Variants in CDH23 observed in about 807,000 individuals in gnomAD.
CDH23 encodes the protein cadherin related 23.
CDH23 carries 189 observed loss-of-function variants against 317.1 expected under a neutral mutation model. The ratio of observed to expected loss-of-function variants is 0.60; its 90% CI spans 0.53 to 0.67. The LOEUF is 0.67. Ranked by LOEUF, CDH23 falls within the 30% of genes least tolerant of loss-of-function variation. The pLI, the probability that CDH23 is intolerant of heterozygous loss-of-function variation, is 0.00. For synonymous variants in CDH23, 1,839 were observed against 1,876.8 expected, an observed-to-expected ratio of 0.98 and a Z score of 0.52; for missense variants, 4,401 against 4,592.4, an observed-to-expected ratio of 0.96 and a Z score of 1.20.
intron 45 of CDH23, 33 bp downstream of exon 45, chr10:71,789,075 G>T: frequency 1.9e-6 from 2 of 1,062,830 alleles, no homozygotes; most frequent in Non-Finnish European, 2.9e-6. Flanking sequence ...AGCTCCTGCT[G>T]TTGCCAGGCA....
At position 71,773,220 on chromosome 10, in the gene CDH23, C is replaced by T. The variant is rs1840727223; in HGVS notation, c.4846-4460C>T. ...CACCCTGCCTAGGGGTCCCAGCAGC[C>T]TCTGGGCGGTGGGTGGAGTGGGGTG... On this transcript the variant is annotated intron_variant, in intron 38 of 69. Coordinates refer to ENST00000224721, the MANE Select transcript of CDH23 (RefSeq NM_022124.6). The T allele has an allele frequency of 9.7e-6, 10 of 1,029,938 alleles. No homozygotes were observed. The South Asian group carries it at 1.4e-4, about 15-fold the overall frequency. 63.8% of individuals were successfully genotyped at this position (1,029,938 alleles called of 1,614,324 possible). A position where few individuals can be genotyped will look rare whatever the true frequency, so the allele number is the denominator to read the frequency against.
intron 1 of CDH23, among the ~76,000 whole-genome samples, chr10:71,425,123 G>A (rs1016779912): frequency 6.6e-6 from 1 of 151,652 alleles, no homozygotes; most frequent in African/African-American, 2.4e-5. Flanking sequence ...AGTGCAGAAG[G>A]GGTGTCTGTG....
intron 6 of CDH23, among the ~76,000 whole-genome samples, chr10:71,552,704 C>A (rs1415351757): frequency 6.6e-6 from 1 of 152,112 alleles, no homozygotes; most frequent in Non-Finnish European, 1.5e-5. Context: ...TGTGGTTCTG[C>A]CCCCTCATTG....
At position 71,622,193 on chromosome 10, in the gene CDH23, C is replaced by T. The variant is rs376736270; in HGVS notation, c.1134+4800C>T. ...CCACGGTGAATCGGCAACTCACTCACCCACCTGGAGTCCTATAATGTATAT... is the reference window on the plus strand; with the variant it reads ...CCACGGTGAATCGGCAACTCACTCATCCACCTGGAGTCCTATAATGTATAT... On this transcript the variant is annotated intron_variant, in intron 11 of 69. Coordinates refer to ENST00000224721, the MANE Select transcript of CDH23 (RefSeq NM_022124.6). 2.9e-3 allele frequency among the ~76,000 whole-genome samples: 445 copies of T among 152,250 alleles called. 1 individual carries two copies. In the Middle Eastern group the frequency reaches 0.041, roughly 14 times the overall value.
chr10:71,472,811 A>T (rs1381556957), intron 3 of CDH23, among the ~76,000 whole-genome samples: 1 of 152,224 alleles, frequency 6.6e-6, no homozygotes, highest in Admixed American at 6.5e-5. Flanking sequence ...GGTAGACTCC[A>T]GTGTGGTCCC....
intron 32 of CDH23, among the ~76,000 whole-genome samples, chr10:71,733,695 C>G (rs777634201): frequency 6.6e-6 from 1 of 152,232 alleles, no homozygotes; most frequent in Non-Finnish European, 1.5e-5. Context: ...TGCTGGGCTT[C>G]ATTGCAATAG....
intron 3 of CDH23, among the ~76,000 whole-genome samples, chr10:71,472,011 G>A (rs1589113629): frequency 6.6e-6 from 1 of 152,224 alleles, no homozygotes; most frequent in South Asian, 2.1e-4. Flanking sequence ...TGCCTGGAAT[G>A]GATCTGGTGC....
At chr10:71,800,891 G>A (rs990482460) in intron 53 of CDH23, 136 bp downstream of exon 53, 2 of 1,193,112 alleles carry the variant, frequency 1.7e-6, no homozygotes, top group Non-Finnish European at 2.3e-6. Context: ...TGACAGAAAG[G>A]AGAAGGCAAG....
Position 71,793,357 on chromosome 10 carries a change from G to T in CDH23, c.6429G>T (p.Thr2143=), listed in dbSNP as rs142788731. Residue 2143 remains threonine, a synonymous_variant, in exon 48 of 70, where the codon ACG becomes ACT. Transcript: ENST00000224721. ...DREEQESYRL[T]VVATDRGTVP... ...AGGAGCAGGAGTCCTACAGGCTAAC[G>T]GTGGTGGCCACCGACCGGGGCACCG... is the stretch of plus-strand genomic sequence containing the variant. The T allele has an allele frequency of 6.2e-7, 1 of 1,613,964 alleles. No individual in the cohort carries two copies. The highest frequency in any genetic ancestry group is 8.5e-7 in the Non-Finnish European group (1 of 1,179,900).
intron 48 of CDH23, 162 bp from the exon 49 acceptor site, chr10:71,796,942 C>T: frequency 5.1e-6 from 3 of 585,802 alleles, no homozygotes; most frequent in Non-Finnish European, 9.4e-6. Context: ...GTGACCCAAG[C>T]TTATGAGGAG....
At chr10:71,485,815 C>T (rs987832457) in intron 3 of CDH23, among the ~76,000 whole-genome samples, 7 of 152,194 alleles carry the variant, frequency 4.6e-5, no homozygotes, top group African/African-American at 1.7e-4. Flanking sequence ...CCTCAGGGTG[C>T]TCCAATTCTA....
At position 71,641,706 on chromosome 10, in the gene CDH23, C is replaced by G. The variant is rs1331214468; in HGVS notation, c.1135-2155C>G. ...GGTGATTCTGAGACACGCTAAGGAT[C>G]TAAGGATCAAGAACTCTGTGTTTAA... On this transcript the variant is annotated intron_variant, in intron 11 of 69. Coordinates refer to ENST00000224721, the MANE Select transcript of CDH23 (RefSeq NM_022124.6). Among the ~76,000 whole-genome samples the G allele has an allele frequency of 2.0e-5, 3 of 152,286 alleles. No individual in the cohort carries two copies. In the East Asian group the frequency reaches 5.8e-4, roughly 29 times the overall value.
chr10:71,432,761 C>G (rs181896453), intron 1 of CDH23, among the ~76,000 whole-genome samples: 5 of 152,308 alleles, frequency 3.3e-5, no homozygotes, highest in African/African-American at 1.2e-4. Context: ...CGAGGAAAGA[C>G]CCAGTGGGGC....
At chr10:71,638,270 G>A (rs372029942) in intron 11 of CDH23, among the ~76,000 whole-genome samples, 26 of 152,246 alleles carry the variant, frequency 1.7e-4, no homozygotes, top group Middle Eastern at 3.4e-3. Context: ...TTAACATTGC[G>A]TCACGCCCCT....
At chr10:71,740,750 C>A (rs1337958625) in intron 36 of CDH23, 72 bp from the exon 37 acceptor site, 17 of 1,598,214 alleles carry the variant, frequency 1.1e-5, no homozygotes, top group Non-Finnish European at 1.4e-5. Flanking sequence ...TTGCACAGCC[C>A]TTTTGGACTC....
At chr10:71,811,648 G>A (rs1042666615) in intron 64 of CDH23, 58 bp downstream of exon 64, 13 of 1,613,668 alleles carry the variant, frequency 8.1e-6, no homozygotes, top group East Asian at 2.2e-5. Context: ...GGATGGCCAC[G>A]AGGCAGGCAG....
chr10:71,558,740 A>G (rs1324333077), intron 6 of CDH23, among the ~76,000 whole-genome samples: 3 of 152,148 alleles, frequency 2.0e-5, no homozygotes, highest in African/African-American at 7.2e-5. Context: ...CCATTATGGG[A>G]TGATTGGAGG....
intron 9 of CDH23, among the ~76,000 whole-genome samples, chr10:71,596,596 C>A (rs964420023): frequency 1.3e-5 from 2 of 152,214 alleles, no homozygotes; most frequent in Non-Finnish European, 2.9e-5. Flanking sequence ...TGTACACAGA[C>A]CCTTCCCTTC....
intron 27 of CDH23, chr10:71,712,378 C>T (rs1473131185): frequency 2.9e-6 from 1 of 342,712 alleles, no homozygotes; most frequent in Non-Finnish European, 5.4e-6. Flanking sequence ...TTGAGTGCCT[C>T]AGTTACCTCC....
Sources: gnomAD v4.1 joint callset for allele counts (sites outside exome capture counted in the v4.1 genomes callset) on GRCh38, gnomAD v4.1.1 for gene constraint, MANE v1.5 for transcripts, NCBI Gene and HGNC (gene_info 2026-07-23, HGNC 2026-07-21) for gene names.